The following SDK1 variants were observed in gnomAD, a reference collection of about 807,000 sequenced individuals.
SDK1 encodes protein sidekick-1.
In SDK1, 157 loss-of-function variants were observed where a neutral mutation model predicts 245.5. The ratio of observed to expected loss-of-function variants is 0.64; its 90% CI spans 0.56 to 0.73. The LOEUF (loss-of-function observed/expected upper bound fraction) is 0.73, where lower values mean the gene tolerates loss of function less well. Ranked by LOEUF, SDK1 falls within the 30% of genes least tolerant of loss-of-function variation. The probability of loss-of-function intolerance (pLI) is 0.00; values close to 1 mark genes in which losing one functional copy is unlikely to be tolerated. For missense variants in SDK1, 3,583 were observed against 3,002.3 expected (o/e 1.19, Z -4.52); for synonymous variants, 1,647 against 1,278.5 (o/e 1.29, Z -6.15).
intron 4 of SDK1, among the ~76,000 whole-genome samples, chr7:3,686,361 C>G (rs745457798): frequency 6.6e-6 from 1 of 152,206 alleles, no homozygotes; most frequent in Non-Finnish European, 1.5e-5. Flanking sequence ...CAGCCATAAG[C>G]CACCATGCCT....
intron 4 of SDK1, among the ~76,000 whole-genome samples, chr7:3,786,114 G>C (rs989214727): frequency 6.0e-4 from 92 of 152,190 alleles, no homozygotes; most frequent in South Asian, 3.7e-3. Context: ...AGTCCTCCTT[G>C]TTTGTTCTCT....
intron 4 of SDK1, among the ~76,000 whole-genome samples, chr7:3,647,122 A>G (rs1782863549): frequency 6.6e-6 from 1 of 152,242 alleles, no homozygotes; most frequent in Admixed American, 6.5e-5. Context: ...ATGGTGGCTC[A>G]CACCTGTACT....
intron 1 of SDK1, among the ~76,000 whole-genome samples, chr7:3,567,523 C>A (rs1000047127): frequency 6.6e-6 from 1 of 152,142 alleles, no homozygotes; most frequent in Non-Finnish European, 1.5e-5. Context: ...TAGAAAACTA[C>A]CACAGTAAAT....
intron 1 of SDK1, among the ~76,000 whole-genome samples, chr7:3,494,249 T>C (rs909477875): frequency 6.6e-6 from 1 of 152,228 alleles, no homozygotes; most frequent in African/African-American, 2.4e-5. Flanking sequence ...ATATATAGTT[T>C]TAATAACTTT....
At chr7:3,983,673 C>G (rs773923762) in intron 13 of SDK1, among the ~76,000 whole-genome samples, 6 of 152,184 alleles carry the variant, frequency 3.9e-5, no homozygotes, top group African/African-American at 1.4e-4. Flanking sequence ...TGAGACATGC[C>G]TCTCTATCAC....
intron 5 of SDK1, among the ~76,000 whole-genome samples, chr7:3,854,188 G>A (rs74857419): frequency 0.014 from 2,124 of 152,260 alleles, 55 homozygotes; most frequent in African/African-American, 0.049. Context: ...CAAAGGTTAT[G>A]TACGGTGTGG....
At chr7:4,076,669 G>A (rs1342606678) in intron 20 of SDK1, among the ~76,000 whole-genome samples, 1 of 152,246 alleles carries the variant, frequency 6.6e-6, no homozygotes, top group Non-Finnish European at 1.5e-5. Flanking sequence ...GCTGGCAGCT[G>A]TCGTCATGTT....
chr7:3,808,567 A>C (rs1779307827), intron 4 of SDK1, among the ~76,000 whole-genome samples: 1 of 152,070 alleles, frequency 6.6e-6, no homozygotes, highest in African/African-American at 2.4e-5. Flanking sequence ...CATGTGTGTC[A>C]CAGTTAACCA....
intron 1 of SDK1, among the ~76,000 whole-genome samples, chr7:3,448,838 T>A (rs1234397360): frequency 1.3e-5 from 2 of 152,164 alleles, no homozygotes; most frequent in Non-Finnish European, 2.9e-5. Context: ...ATTTAGTAAG[T>A]TGAAAAGGTT....
intron 1 of SDK1, among the ~76,000 whole-genome samples, chr7:3,303,289 A>C (rs1205905787): frequency 6.6e-6 from 1 of 152,208 alleles, no homozygotes; most frequent in Non-Finnish European, 1.5e-5. Flanking sequence ...AAGAAATCTA[A>C]ATCACTTAGG....
chr7:3,628,257 G>A (rs934695893), intron 2 of SDK1, among the ~76,000 whole-genome samples: 1 of 152,056 alleles, frequency 6.6e-6, no homozygotes. Context: ...CCCTCATAAT[G>A]CTTATCTCCA....
chr7:3,471,466 T>A (rs1425521246), intron 1 of SDK1, among the ~76,000 whole-genome samples: 1 of 152,208 alleles, frequency 6.6e-6, no homozygotes, highest in East Asian at 1.9e-4. Context: ...TAATATGTGT[T>A]AATCCTCAAA....
At chr7:3,321,360 A>G (rs1010707519) in intron 1 of SDK1, among the ~76,000 whole-genome samples, 1 of 152,190 alleles carries the variant, frequency 6.6e-6, no homozygotes, top group African/African-American at 2.4e-5. Context: ...ACAGAGTCCC[A>G]GGTGGCCAGC....
chr7:3,942,134 C>T (rs1007287078), intron 5 of SDK1, among the ~76,000 whole-genome samples: 1 of 152,128 alleles, frequency 6.6e-6, no homozygotes, highest in Admixed American at 6.5e-5. Flanking sequence ...TCTCGATCTC[C>T]TGACCTCATG....
At chr7:3,661,371 T>C in intron 4 of SDK1, among the ~76,000 whole-genome samples, 1 of 152,202 alleles carries the variant, frequency 6.6e-6, no homozygotes, top group South Asian at 2.1e-4. Context: ...CTTGTGCTAA[T>C]TAAAGTTGGA....
chr7:3,602,941 T>G (rs1272996811), intron 1 of SDK1, among the ~76,000 whole-genome samples: 6 of 152,176 alleles, frequency 3.9e-5, no homozygotes. Context: ...GGGAATCCTT[T>G]CCCCATTGCT....
At chr7:4,067,800 C>A in intron 19 of SDK1, 38 bp from the exon 20 acceptor site, 1 of 1,512,654 alleles carries the variant, frequency 6.6e-7, no homozygotes, top group Non-Finnish European at 9.1e-7. Flanking sequence ...AAAATTTGGG[C>A]TATTGTGTTA....
chr7:4,034,884 A>G (rs547150618), intron 17 of SDK1, among the ~76,000 whole-genome samples: 149 of 152,374 alleles, frequency 9.8e-4, no homozygotes, highest in Non-Finnish European at 1.7e-3. Context: ...ATGGGGAAAA[A>G]GAAGGTACCA....
At chr7:3,944,242 C>T (rs572792446) in intron 5 of SDK1, among the ~76,000 whole-genome samples, 54 of 152,214 alleles carry the variant, frequency 3.5e-4, no homozygotes, top group Admixed American at 1.2e-3. Flanking sequence ...TCAATTTTCT[C>T]ATCTGTAAAA....
Sources: allele counts gnomAD v4.1 joint callset (sites outside exome capture counted in the v4.1 genomes callset), GRCh38; gene constraint gnomAD v4.1.1; transcripts MANE v1.5; gene names NCBI Gene and HGNC (gene_info 2026-07-23, HGNC 2026-07-21).